RB1: variants seen among roughly 807,000 people sequenced by gnomAD.
RB1 encodes the protein RB transcriptional corepressor 1.
Under a neutral mutation model 135.4 loss-of-function variants are expected in RB1, and 18 were observed. The ratio of observed to expected loss-of-function variants is 0.13; its 90% CI spans 0.09 to 0.20. The LOEUF is 0.20. Among genes scored for constraint, RB1 ranks in the 10% least tolerant of loss-of-function variants. The pLI, the probability that RB1 is intolerant of heterozygous loss-of-function variation, is 1.00. For missense variants in RB1, 868 were observed against 1,110.0 expected (o/e 0.78, Z 3.10); for synonymous variants, 365 against 373.2 (o/e 0.98, Z 0.25).
chr13:48,367,513 G>A lies in RB1; in HGVS notation c.959G>A (p.Arg320Gln), dbSNP rs760787104. Residue 320 changes from arginine to glutamine, a missense_variant, in exon 10 of 27, where the codon CGA (arginine) becomes CAA (glutamine). Physicochemically the swap from Arg to Gln is conservative, Grantham distance 43 (BLOSUM62 1). Coordinates refer to ENST00000267163, the MANE Select transcript of RB1 (RefSeq NM_000321.3). ...GLPEVENLSK[R>Q]YEEIYLKNKD... ...TTCAAGGTTGAAAATCTTTCTAAAC[G>A]ATACGAAGAAATTTATCTTAAAAAT... The A allele has an allele frequency of 1.5e-5, 24 of 1,603,456 alleles. No individual in the cohort carries two copies. In the African/African-American group the frequency reaches 2.0e-4, roughly 13 times the overall value.
chr13:48,361,942 A>ATT (rs5803430), intron 7 of RB1, among the ~76,000 whole-genome samples: 2,780 of 130,496 alleles, frequency 0.021, 138 homozygotes, highest in East Asian at 0.11. Flanking sequence ...ATCATCTGTA[A>ATT]TTTTTTTTTT....
At chr13:48,474,335 C>T (rs1949490950) in intron 24 of RB1, among the ~76,000 whole-genome samples, 1 of 152,074 alleles carries the variant, frequency 6.6e-6, no homozygotes, top group Non-Finnish European at 1.5e-5. Flanking sequence ...AGCTAGGTAC[C>T]CACCAAGTAT....
In RB1 at chr13:48,364,932, G is replaced by T; in HGVS notation, c.900G>T (p.Met300Ile). The T allele has an allele frequency of 6.4e-7, 1 of 1,569,312 alleles. No homozygotes were observed. Among genetic ancestry groups the T allele is most frequent in the Non-Finnish European group, 8.7e-7 (1 of 1,153,062 alleles). Residue 300 changes from methionine (M) to isoleucine (I), a missense_variant, in exon 9 of 27, where the codon ATG becomes ATT. Physicochemically the swap from Met to Ile is conservative, Grantham distance 10. Around this residue, in one of 3 missense-constraint regions of RB1, gnomAD observed 641 missense variants for 791.3 expected, o/e 0.81. Transcript: ENST00000267163. ...NVYFKNFIPF[M>I]NSLGLVTSNG... The stretch of plus-strand genomic sequence containing the variant: ...ATTTCAAAAATTTTATACCTTTTAT[G>T]AATTCTCTTGGACTTGTAACATCTA...
Position 48,465,313 on chromosome 13 carries a change from C to T in RB1, c.2434C>T (p.Pro812Ser), listed in dbSNP as rs1264333384. ...CATCTATATTTCACCCCTGAAGAGT[C>T]CATATAAAATTTCAGAAGGTCTGCC... ...GNIYISPLKS[P>S]YKISEGLPTP... The change falls in exon 23 of 27, where the codon CCA (proline) becomes TCA (serine). Residue 812 changes from proline (P) to serine (S), a missense_variant. Physicochemically the swap from Pro to Ser is moderately conservative, Grantham distance 74. Around this residue, in one of 3 missense-constraint regions of RB1, gnomAD observed 196 missense variants for 239.8 expected, o/e 0.82. Coordinates refer to ENST00000267163, the MANE Select transcript of RB1 (RefSeq NM_000321.3). 6.2e-7 allele frequency: 1 copy of T among 1,611,216 alleles called. No individual in the cohort carries two copies.
At chr13:48,472,592 C>T (rs576126456) in intron 23 of RB1, among the ~76,000 whole-genome samples, 1 of 152,016 alleles carries the variant, frequency 6.6e-6, no homozygotes, top group East Asian at 1.9e-4. Flanking sequence ...GAAATAAATT[C>T]TGTGTTGGTA....
chr13:48,304,079 G>A (rs2138028296), intron 1 of RB1, 30 bp downstream of exon 1: 1 of 1,390,922 alleles, frequency 7.2e-7, no homozygotes. Flanking sequence ...GTCGCCTCAC[G>A]CGGGAAGGGC....
rs115383937 is a variant in RB1, at chr13:48,350,713, G to C, written c.607+1690G>C. On this transcript the variant is annotated intron_variant, in intron 6 of 26. Transcript: ENST00000267163. The stretch of plus-strand genomic sequence containing the variant: ...CCAGTATCCAATAGCTATTTTTTCT[G>C]TTCCTCTCCCTCTTCCCACTTTCCA... 9.8e-3 allele frequency among the ~76,000 whole-genome samples: 1,489 copies of C among 152,166 alleles called. 27 individuals are homozygous for C. The highest frequency in any genetic ancestry group is 0.034 in the African/African-American group (1,428 of 41,532).
intron 13 of RB1, 142 bp from the exon 14 acceptor site, chr13:48,379,452 A>T: frequency 8.9e-7 from 1 of 1,118,394 alleles, no homozygotes; most frequent in Non-Finnish European, 1.3e-6. Context: ...TGGGAGGCCA[A>T]AGCAGGAGGA....
intron 2 of RB1, among the ~76,000 whole-genome samples, chr13:48,314,900 G>A (rs549986708): frequency 6.6e-6 from 1 of 152,202 alleles, no homozygotes; most frequent in South Asian, 2.1e-4. Context: ...TTCATCCTAT[G>A]TATTTGCTAC....
intron 23 of RB1, among the ~76,000 whole-genome samples, chr13:48,466,165 A>G (rs1398449712): frequency 1.6e-4 from 23 of 140,146 alleles, no homozygotes; most frequent in African/African-American, 6.0e-4. Flanking sequence ...CCTGTCTGAC[A>G]GCTTTGAAGA....
chr13:48,386,386 T>C (rs1948572144), intron 17 of RB1, among the ~76,000 whole-genome samples: 1 of 151,936 alleles, frequency 6.6e-6, no homozygotes, highest in South Asian at 2.1e-4. Flanking sequence ...ATCTCCACTC[T>C]TGAGTATGTC....
chr13:48,381,041 T>C (rs560815786), intron 16 of RB1, among the ~76,000 whole-genome samples: 85 of 152,248 alleles, frequency 5.6e-4, no homozygotes, highest in Middle Eastern at 6.8e-3. Context: ...ATAAGTCCTT[T>C]CTCTAGGAAA....
intron 6 of RB1, among the ~76,000 whole-genome samples, chr13:48,356,808 T>A (rs1039953040): frequency 6.6e-6 from 1 of 152,048 alleles, no homozygotes; most frequent in Admixed American, 6.6e-5. Context: ...AACAAGTTTT[T>A]AAAAATATGC....
intron 17 of RB1, among the ~76,000 whole-genome samples, chr13:48,450,791 TATTG>T (rs1426193027): frequency 2.6e-5 from 4 of 152,236 alleles, no homozygotes; most frequent in African/African-American, 9.6e-5. Flanking sequence ...AGTCTTACAA[TATTG>T]ATTCTTTCTA....
chr13:48,382,048 G>A (rs942383863), intron 17 of RB1, among the ~76,000 whole-genome samples: 9 of 152,072 alleles, frequency 5.9e-5, no homozygotes, highest in Admixed American at 5.9e-4. Context: ...TGGCTGCATA[G>A]TATATATGTG....
chr13:48,349,857 A>G (rs1273272491), intron 6 of RB1, among the ~76,000 whole-genome samples: 1 of 152,118 alleles, frequency 6.6e-6, no homozygotes, highest in Admixed American at 6.6e-5. Context: ...AATATATTCC[A>G]TGCCCACAGA....
chr13:48,393,180 C>G (rs1948623976), intron 17 of RB1, among the ~76,000 whole-genome samples: 1 of 152,200 alleles, frequency 6.6e-6, no homozygotes, highest in Admixed American at 6.5e-5. Flanking sequence ...TGAGTAGTAT[C>G]ATCACATCCA....
chr13:48,318,961 G>T, intron 2 of RB1: 1 of 881,416 alleles, frequency 1.1e-6, no homozygotes, highest in Non-Finnish European at 1.9e-6. Flanking sequence ...AGAAGCGTGG[G>T]CTTGCAGAAA....
chr13:48,476,936 T>C, intron 25 of RB1, 93 bp downstream of exon 25: 1 of 1,493,652 alleles, frequency 6.7e-7, no homozygotes. Flanking sequence ...ACCAATTTCT[T>C]TCATGCCAAG....
Sources: allele counts gnomAD v4.1 joint callset (sites outside exome capture counted in the v4.1 genomes callset), GRCh38; gene constraint gnomAD v4.1.1; regional missense constraint gnomAD v4.1.1; transcripts MANE v1.5; gene names NCBI Gene and HGNC (gene_info 2026-07-23, HGNC 2026-07-21).